The following KAT2B variants were observed in gnomAD, a reference collection of about 807,000 sequenced individuals.
KAT2B encodes lysine acetyltransferase 2B.
In KAT2B, 36 loss-of-function variants were observed where a neutral mutation model predicts 105.9. The ratio of observed to expected loss-of-function variants is 0.34; its 90% CI spans 0.26 to 0.45. The LOEUF (loss-of-function observed/expected upper bound fraction) is 0.45, where lower values mean the gene tolerates loss of function less well. Ranked by LOEUF, KAT2B falls within the 20% of genes least tolerant of loss-of-function variation. The probability of loss-of-function intolerance (pLI) is 1.00; values close to 1 mark genes in which losing one functional copy is unlikely to be tolerated. For synonymous variants in KAT2B, 397 were observed against 377.9 expected (o/e 1.05, Z -0.59); for missense variants, 820 against 1,021.6 (o/e 0.80, Z 2.69).
intron 2 of KAT2B, among the ~76,000 whole-genome samples, chr3:20,091,940 G>A (rs1045052968): frequency 6.6e-6 from 1 of 152,116 alleles, no homozygotes; most frequent in Admixed American, 6.6e-5. Flanking sequence ...TAGACAGTTG[G>A]TATGATTTCA....
intron 7 of KAT2B, among the ~76,000 whole-genome samples, chr3:20,117,716 C>T (rs142686727): frequency 1.6e-4 from 25 of 152,194 alleles, no homozygotes; most frequent in African/African-American, 5.1e-4. Flanking sequence ...CGTAGATGAA[C>T]GTTCTCTCTG....
chr3:20,098,123 G>A (rs1698843502), intron 3 of KAT2B, among the ~76,000 whole-genome samples: 1 of 151,766 alleles, frequency 6.6e-6, no homozygotes, highest in African/African-American at 2.4e-5. Context: ...CCAGCTACTT[G>A]AGAGGCTGAG....
chr3:20,148,630 G>A (rs887225029), intron 17 of KAT2B, 143 bp downstream of exon 17: 12 of 624,926 alleles, frequency 1.9e-5, no homozygotes, highest in East Asian at 8.7e-5. Context: ...GCACCGTGGC[G>A]GGTCAGTGAT....
rs557479572 is a variant in KAT2B at position 20,104,303 on chromosome 3, G to A, written c.851+2835G>A. On this transcript the variant is annotated intron_variant, in intron 5 of 17. Transcript: ENST00000263754. The stretch of plus-strand genomic sequence containing the variant: ...AAACGTGCTGATTTCTAGGTGAAAT[G>A]TAGACCAATAGCCCCTATTAATAAT... Among the ~76,000 whole-genome samples, 31 of 152,268 alleles carry A rather than the reference G, an allele frequency of 2.0e-4. No homozygotes were observed. The South Asian group carries it at 3.9e-3, about 19-fold the overall frequency.
intron 8 of KAT2B, 131 bp downstream of exon 8, chr3:20,119,854 C>G (rs750021451): frequency 1.5e-4 from 137 of 939,320 alleles, no homozygotes; most frequent in Middle Eastern, 1.3e-3. Flanking sequence ...CTAGAAATAA[C>G]TTTGTATTAG....
At chr3:20,105,331 T>G (rs189933237) in intron 5 of KAT2B, among the ~76,000 whole-genome samples, 12 of 152,328 alleles carry the variant, frequency 7.9e-5, no homozygotes, top group Admixed American at 7.8e-4. Flanking sequence ...AGAAATAACC[T>G]AAAAAGAAAG....
In KAT2B at chr3:20,147,891, A is replaced by G. The variant is rs574403393; in HGVS notation, c.2120-72A>G. Reference sequence around the variant, plus strand: ...TCATGCCTATAATTTCTTGTTTTTGATAAGTATTAACTATGTTATTCTCTT... The same window carrying G: ...TCATGCCTATAATTTCTTGTTTTTGGTAAGTATTAACTATGTTATTCTCTT... On this transcript the variant is annotated intron_variant, in intron 14 of 17. Transcript: ENST00000263754. 8.2e-5 allele frequency: 115 copies of G among 1,410,352 alleles called. 1 individual carries two copies. In the South Asian group the frequency reaches 9.8e-4, roughly 12 times the overall value. 87.4% of individuals were successfully genotyped at this position (1,410,352 alleles called of 1,614,324 possible).
rs1699322677 is a variant in KAT2B, at chr3:20,122,156, T to C, written c.1277-512T>C. ...AAAATATCAGTAAGGCTCTTACTGA[T>C]ATCCATACAACATGATCTGTAAGCT... On this transcript the variant is annotated intron_variant, in intron 8 of 17. Coordinates refer to ENST00000263754, the MANE Select transcript of KAT2B (RefSeq NM_003884.5). Among the ~76,000 whole-genome samples the C allele has an allele frequency of 2.6e-5, 4 of 152,202 alleles. 1 individual carries two copies. In the South Asian group the frequency reaches 8.3e-4, roughly 31 times the overall value.
At chr3:20,089,462 G>A (rs201990785) in intron 2 of KAT2B, among the ~76,000 whole-genome samples, 6 of 145,696 alleles carry the variant, frequency 4.1e-5, no homozygotes, top group Admixed American at 7.0e-5. Flanking sequence ...GTGCAATGGC[G>A]CAATCTCAGC....
At chr3:20,134,298 C>T (rs1045118039) in intron 11 of KAT2B, among the ~76,000 whole-genome samples, 1 of 152,208 alleles carries the variant, frequency 6.6e-6, no homozygotes, top group African/African-American at 2.4e-5. Context: ...ATTTGACAAG[C>T]TCTTTTAAGG....
intron 2 of KAT2B, among the ~76,000 whole-genome samples, chr3:20,087,167 A>G (rs6782086): frequency 0.47 from 70,691 of 151,978 alleles, 18,423 homozygotes; most frequent in African/African-American, 0.7. Flanking sequence ...TGTGGTTAAC[A>G]ATAATATCTA....
Position 20,099,774 on chromosome 3 carries a change from A to G in KAT2B, c.577-88A>G, listed in dbSNP as rs1021238949. ...GTGTGTGTGTAAGAGAGAGAGAGAG[A>G]GACAGACAGAAACAGAAGAGAGAGG... is the stretch of plus-strand genomic sequence containing the variant. On this transcript the variant is annotated intron_variant, in intron 3 of 17. Transcript: ENST00000263754. The G allele has an allele frequency of 2.2e-5, 15 of 675,226 alleles. No homozygotes were observed. The Admixed American group carries it at 2.7e-4, about 12-fold the overall frequency. The allele number at this position is 675,226 out of a possible 1,614,324, so 41.8% of individuals were successfully genotyped here. A position where few individuals can be genotyped will look rare whatever the true frequency, so the allele number is the denominator to read the frequency against.
intron 13 of KAT2B, 89 bp from the exon 14 acceptor site, chr3:20,146,227 T>G (rs545982322): frequency 4.0e-6 from 3 of 754,794 alleles, no homozygotes; most frequent in East Asian, 2.5e-5. Flanking sequence ...AAGACTGTTT[T>G]GTTAGGAAAA....
chr3:20,045,103 C>T (rs1697785373), intron 1 of KAT2B, among the ~76,000 whole-genome samples: 1 of 152,064 alleles, frequency 6.6e-6, no homozygotes, highest in Non-Finnish European at 1.5e-5. Flanking sequence ...CAACCTGTAC[C>T]TCCCAGGCTC....
chr3:20,093,401 C>T (rs1001055316), intron 2 of KAT2B, among the ~76,000 whole-genome samples: 3 of 152,124 alleles, frequency 2.0e-5, no homozygotes, highest in African/African-American at 4.8e-5. Context: ...CTAAGAGCTG[C>T]TCTTGAGGGT....
chr3:20,044,928 A>G (rs900544181), intron 1 of KAT2B, among the ~76,000 whole-genome samples: 2 of 152,370 alleles, frequency 1.3e-5, no homozygotes, highest in African/African-American at 4.8e-5. Context: ...GTGGAATTTT[A>G]ACTTAATCAC....
At chr3:20,050,154 C>T (rs1697889624) in intron 1 of KAT2B, among the ~76,000 whole-genome samples, 1 of 148,854 alleles carries the variant, frequency 6.7e-6, no homozygotes, top group African/African-American at 2.5e-5. Flanking sequence ...GAGCTGAGAT[C>T]ATACCACTGC....
chr3:20,077,063 A>G (rs1024462287), intron 2 of KAT2B, among the ~76,000 whole-genome samples: 3 of 152,112 alleles, frequency 2.0e-5, no homozygotes, highest in African/African-American at 7.2e-5. Context: ...AATTTCTTTC[A>G]TCCCAGACAT....
chr3:20,105,870 T>G (rs1698993099), intron 5 of KAT2B, among the ~76,000 whole-genome samples: 1 of 152,062 alleles, frequency 6.6e-6, no homozygotes, highest in Non-Finnish European at 1.5e-5. Flanking sequence ...ACTAACTTGT[T>G]TTTGGGAAAC....
Sources: gnomAD v4.1 joint callset for allele counts (sites outside exome capture counted in the v4.1 genomes callset) on GRCh38, gnomAD v4.1.1 for gene constraint, MANE v1.5 for transcripts, NCBI Gene and HGNC (gene_info 2026-07-23, HGNC 2026-07-21) for gene names.